Variants in CD247 observed in about 807,000 individuals in gnomAD.
CD247 encodes the protein CD247 molecule, also known as T-cell surface glycoprotein CD3 zeta chain.
In CD247, 13 loss-of-function variants were observed where a neutral mutation model predicts 30.0. The ratio of observed to expected loss-of-function variants is 0.43; its 90% confidence interval spans 0.28 to 0.69. CD247 has a LOEUF of 0.69. Ranked by LOEUF, CD247 falls within the 30% of genes least tolerant of loss-of-function variation. CD247 has a pLI of 0.16. For synonymous variants in CD247, 72 were observed against 80.0 expected (o/e 0.90, Z 0.53); for missense variants, 193 against 212.6 (o/e 0.91, Z 0.57).
chr1:167,456,458 G>GA (rs1652676457), intron 1 of CD247, among the ~76,000 whole-genome samples: 1 of 152,136 alleles, frequency 6.6e-6, no homozygotes, highest in Non-Finnish European at 1.5e-5. Flanking sequence ...TAAAAGACAG[G>GA]AAAAAAGGTG....
intron 1 of CD247, among the ~76,000 whole-genome samples, chr1:167,509,369 C>CAAAAAAAAAAA (rs35004744): frequency 2.8e-4 from 18 of 63,752 alleles, no homozygotes; most frequent in African/African-American, 3.9e-4. Flanking sequence ...AACTCTGTCT[C>CAAAAAAAAAAA]AAAAAAAAAA....
At chr1:167,489,081 G>A (rs762019876) in intron 1 of CD247, among the ~76,000 whole-genome samples, 45 of 147,234 alleles carry the variant, frequency 3.1e-4, no homozygotes, top group Admixed American at 2.7e-4. Flanking sequence ...TTTTAACACC[G>A]GACAGCAGAC....
intron 1 of CD247, among the ~76,000 whole-genome samples, chr1:167,460,754 G>GA (rs1416896248): frequency 6.6e-6 from 1 of 151,992 alleles, no homozygotes; most frequent in African/African-American, 2.4e-5. Context: ...CTGACCCCCC[G>GA]ACAGGCCCTG....
In CD247 at chr1:167,507,106, A is replaced by G. The variant is rs150006456; in HGVS notation, c.58+11302T>C. Among the ~76,000 whole-genome samples, 969 of 151,832 alleles carry G rather than the reference A, an allele frequency of 6.4e-3. 3 individuals are homozygous for G. Among genetic ancestry groups the G allele is most frequent in the African/African-American group, 0.022 (918 of 41,408 alleles). ...TTTTGTTTTTGTATTTTTAGTAGAG[A>G]TGTGGTTTTGCCATGTTGGCCAGGT... On this transcript the variant is annotated intron_variant, in intron 1 of 7. Coordinates refer to ENST00000362089, the MANE Select transcript of CD247 (RefSeq NM_198053.3).
chr1:167,457,760 A>G (rs1652771357), intron 1 of CD247: 2 of 151,924 alleles, frequency 1.3e-5, no homozygotes, highest in Admixed American at 1.3e-4. Context: ...TGTTTTTGTT[A>G]CTCTCATTGT....
chr1:167,459,305 G>A (rs1283768000), intron 1 of CD247, among the ~76,000 whole-genome samples: 5 of 148,282 alleles, frequency 3.4e-5, no homozygotes, highest in Admixed American at 3.4e-4. Flanking sequence ...TTTTTTAAAG[G>A]TTCAAGAAAT....
chr1:167,435,563 G>T, intron 4 of CD247, 129 bp from the exon 5 acceptor site: 2 of 780,164 alleles, frequency 2.6e-6, no homozygotes, highest in Non-Finnish European at 4.5e-6. Context: ...TCTCCTCCCT[G>T]TGCTACCCCA....
rs888802524 is a variant in CD247, at chr1:167,500,127, G to A, written c.58+18281C>T. Among the ~76,000 whole-genome samples, 14 of 152,212 alleles carry A rather than the reference G, an allele frequency of 9.2e-5. No homozygotes were observed. In the East Asian group the frequency reaches 2.3e-3, roughly 25 times the overall value. ...ATTCTCTATATCTTGAAATGGAAAC[G>A]CTGAACCCAACTTATTTTACTCATG... is the stretch of plus-strand genomic sequence containing the variant. On this transcript the variant is annotated intron_variant, in intron 1 of 7. Transcript: ENST00000362089.
intron 4 of CD247, among the ~76,000 whole-genome samples, chr1:167,437,450 A>G (rs1167317731): frequency 2.0e-5 from 3 of 152,150 alleles, no homozygotes; most frequent in African/African-American, 7.2e-5. Context: ...TAACCAAGTT[A>G]TGGAATCAAC....
chr1:167,472,707 A>G (rs1653580986), intron 1 of CD247, among the ~76,000 whole-genome samples: 1 of 152,190 alleles, frequency 6.6e-6, no homozygotes, highest in Non-Finnish European at 1.5e-5. Context: ...AAGTAAAATC[A>G]AAGTGGGCAA....
chr1:167,440,020 G>C, intron 2 of CD247: 1 of 164,804 alleles, frequency 6.1e-6, no homozygotes. Flanking sequence ...AACAACCTTA[G>C]AAATCATCTA....
intron 1 of CD247, among the ~76,000 whole-genome samples, chr1:167,501,377 G>C (rs1157363560): frequency 6.6e-6 from 1 of 152,166 alleles, no homozygotes; most frequent in African/African-American, 2.4e-5. Flanking sequence ...TTCTTAACCA[G>C]GGGTCATACA....
chr1:167,513,715 G>A (rs1046428861), intron 1 of CD247, among the ~76,000 whole-genome samples: 2 of 151,970 alleles, frequency 1.3e-5, no homozygotes, highest in East Asian at 1.9e-4. Flanking sequence ...GCTTTCCTCC[G>A]GTGTTAAAGC....
chr1:167,493,745 A>G (rs1056997211), intron 1 of CD247, among the ~76,000 whole-genome samples: 1 of 152,190 alleles, frequency 6.6e-6, no homozygotes, highest in Non-Finnish European at 1.5e-5. Context: ...GCATCAAGTG[A>G]CGTGTCCGAG....
intron 1 of CD247, among the ~76,000 whole-genome samples, chr1:167,485,669 A>T (rs1654175069): frequency 6.6e-6 from 1 of 152,026 alleles, no homozygotes; most frequent in African/African-American, 2.4e-5. Context: ...ATGGCTTACT[A>T]GGTGGTTAAC....
chr1:167,478,091 G>T (rs925023667), intron 1 of CD247, among the ~76,000 whole-genome samples: 4 of 152,208 alleles, frequency 2.6e-5, no homozygotes, highest in African/African-American at 9.7e-5. Context: ...GAATCAAAAG[G>T]CCAGACGAGC....
intron 1 of CD247, among the ~76,000 whole-genome samples, chr1:167,445,183 C>T (rs1652022130): frequency 6.6e-6 from 1 of 152,134 alleles, no homozygotes. Context: ...GCCTCGGCCT[C>T]CCAAAGTGCT....
At chr1:167,483,290 G>A (rs182300587) in intron 1 of CD247, among the ~76,000 whole-genome samples, 1 of 152,186 alleles carries the variant, frequency 6.6e-6, no homozygotes, top group East Asian at 1.9e-4. Flanking sequence ...TTACAGGCGT[G>A]AACCACCGCA....
intron 1 of CD247, among the ~76,000 whole-genome samples, chr1:167,455,307 C>G (rs917972961): frequency 4.6e-5 from 7 of 152,218 alleles, no homozygotes; most frequent in African/African-American, 1.7e-4. Context: ...CCGGGTCCCT[C>G]CCGGGTCAAA....
Sources: gnomAD v4.1 joint callset for allele counts (sites outside exome capture counted in the v4.1 genomes callset) on GRCh38, gnomAD v4.1.1 for gene constraint, MANE v1.5 for transcripts, NCBI Gene and HGNC (gene_info 2026-07-23, HGNC 2026-07-21) for gene names.